Variants in GAS2 observed in about 807,000 individuals in gnomAD.
GAS2 encodes growth arrest specific 2.
In GAS2, 20 loss-of-function variants were observed where a neutral mutation model predicts 37.5. The observed-to-expected ratio is 0.53, with a 90% CI of 0.37 to 0.77. The LOEUF (loss-of-function observed/expected upper bound fraction) is 0.77. GAS2 is among the 30% of genes least tolerant of loss of function. The pLI is 0.00. For missense variants in GAS2, 336 were observed against 373.4 expected (o/e 0.90, Z 0.82); for synonymous variants, 144 against 132.2 (o/e 1.09, Z -0.61).
At chr11:22,654,834 A>G (rs1201166913) in intron 1 of GAS2, among the ~76,000 whole-genome samples, 1 of 152,206 alleles carries the variant, frequency 6.6e-6, no homozygotes, top group Admixed American at 6.5e-5. Flanking sequence ...CTGAAATTTT[A>G]TTATAAAACT....
chr11:22,721,981 T>C (rs1474249113), intron 3 of GAS2, among the ~76,000 whole-genome samples: 1 of 151,954 alleles, frequency 6.6e-6, no homozygotes, highest in Non-Finnish European at 1.5e-5. Context: ...ATACACATAG[T>C]CAATGGGGTG....
At chr11:22,705,838 T>A (rs1324145255) in intron 3 of GAS2, among the ~76,000 whole-genome samples, 3 of 152,176 alleles carry the variant, frequency 2.0e-5, no homozygotes, top group African/African-American at 7.2e-5. Context: ...AAAGTGTACA[T>A]ACATGACCTC....
chr11:22,770,480 C>T lies in GAS2; in HGVS notation c.723+14527C>T, dbSNP rs75893384. Among the ~76,000 whole-genome samples, 76 of 152,248 alleles carry T rather than the reference C, an allele frequency of 5.0e-4. 1 individual carries two copies. The East Asian group carries it at 0.013, about 25-fold the overall frequency. ...TAGAAAGTTTTACACTGAAATTAAA[C>T]GTTTCACTTACTTAACAATTTTCTC... On this transcript the variant is annotated intron_variant, in intron 7 of 7. Transcript: ENST00000454584.
intron 1 of GAS2, among the ~76,000 whole-genome samples, chr11:22,669,694 A>G (rs1019487489): frequency 1.3e-5 from 2 of 152,182 alleles, no homozygotes; most frequent in African/African-American, 4.8e-5. Context: ...GTTTGAATAT[A>G]TCGTTATTGT....
intron 4 of GAS2, chr11:22,731,289 C>A: frequency 2.4e-6 from 1 of 424,730 alleles, no homozygotes; most frequent in South Asian, 1.7e-5. Flanking sequence ...TTTTTGCTTG[C>A]TATAATTGTG....
intron 5 of GAS2, among the ~76,000 whole-genome samples, chr11:22,742,510 A>G (rs1853143330): frequency 6.6e-6 from 1 of 152,166 alleles, no homozygotes; most frequent in Non-Finnish European, 1.5e-5. Flanking sequence ...CTCCAGACAG[A>G]CAGGAAGCCA....
chr11:22,670,620 TA>T (rs1359498626), intron 1 of GAS2, among the ~76,000 whole-genome samples: 3 of 152,104 alleles, frequency 2.0e-5, no homozygotes, highest in Non-Finnish European at 2.9e-5. Flanking sequence ...ATTTTGCTAA[TA>T]AAAAACATAT....
At chr11:22,655,484 C>A (rs946411984) in intron 1 of GAS2, among the ~76,000 whole-genome samples, 1 of 152,168 alleles carries the variant, frequency 6.6e-6, no homozygotes, top group Non-Finnish European at 1.5e-5. Flanking sequence ...TTATCAGAAT[C>A]TCCATCTACT....
chr11:22,783,654 T>C (rs950858677), intron 7 of GAS2, among the ~76,000 whole-genome samples: 11 of 152,072 alleles, frequency 7.2e-5, no homozygotes, highest in African/African-American at 2.7e-4. Flanking sequence ...ACTTACTTAC[T>C]TTTTTTGAGT....
In GAS2 at chr11:22,631,511, G is replaced by T. The variant is rs116960349; in HGVS notation, c.-21+5698G>T. ...GGTATGTTTCCTCTGTGCTTAGTTTGTTGAGGTTTATGTCATAAAGGGATG... is the reference window on the plus strand; with the variant it reads ...GGTATGTTTCCTCTGTGCTTAGTTTTTTGAGGTTTATGTCATAAAGGGATG... On this transcript the variant is annotated intron_variant, in intron 1 of 5. Transcript: ENST00000528582. Among the ~76,000 whole-genome samples the T allele has an allele frequency of 2.5e-3, 377 of 152,132 alleles. 4 individuals are homozygous for T. The highest frequency in any genetic ancestry group is 5.2e-3 in the South Asian group (25 of 4,810).
chr11:22,677,092 A>T (rs893579637), intron 2 of GAS2, among the ~76,000 whole-genome samples: 15 of 152,352 alleles, frequency 9.8e-5, no homozygotes, highest in African/African-American at 2.6e-4. Context: ...AGATTAGCAA[A>T]AAAACACAGT....
At chr11:22,642,229 T>C (rs932934889) in intron 1 of GAS2, among the ~76,000 whole-genome samples, 1 of 152,086 alleles carries the variant, frequency 6.6e-6, no homozygotes, top group African/African-American at 2.4e-5. Context: ...ATGAGCAAAA[T>C]GATGGCTCTC....
At chr11:22,683,718 G>A (rs1010782899) in intron 2 of GAS2, among the ~76,000 whole-genome samples, 4 of 147,724 alleles carry the variant, frequency 2.7e-5, no homozygotes, top group African/African-American at 1.0e-4. Context: ...TAATATTAAT[G>A]TTTTCTCAAA....
intron 6 of GAS2, chr11:22,755,630 T>G: frequency 2.4e-6 from 1 of 419,210 alleles, no homozygotes; most frequent in East Asian, 4.0e-5. Context: ...ATTAGCTAAC[T>G]TATGCCTTAG....
intron 3 of GAS2, among the ~76,000 whole-genome samples, chr11:22,689,226 C>A (rs1850113876): frequency 6.6e-6 from 1 of 152,116 alleles, no homozygotes; most frequent in Admixed American, 6.6e-5. Context: ...CCAACCTCAA[C>A]AAGGTGCAAT....
chr11:22,764,968 T>G (rs545150507), intron 7 of GAS2, among the ~76,000 whole-genome samples: 1 of 152,324 alleles, frequency 6.6e-6, no homozygotes, highest in Admixed American at 6.5e-5. Flanking sequence ...ATAATTTTCT[T>G]TTGCCATTAT....
chr11:22,793,880 A>G (rs1856298942), intron 7 of GAS2, among the ~76,000 whole-genome samples: 1 of 152,172 alleles, frequency 6.6e-6, no homozygotes, highest in African/African-American at 2.4e-5. Context: ...AAGTACAATT[A>G]AAATGTTAGG....
intron 5 of GAS2, among the ~76,000 whole-genome samples, chr11:22,744,572 A>G (rs1217890330): frequency 6.6e-6 from 1 of 152,124 alleles, no homozygotes; most frequent in Non-Finnish European, 1.5e-5. Flanking sequence ...ATAGATATTG[A>G]AAAAACTTTG....
At chr11:22,770,519 C>T (rs1186524954) in intron 7 of GAS2, among the ~76,000 whole-genome samples, 3 of 152,130 alleles carry the variant, frequency 2.0e-5, no homozygotes, top group East Asian at 1.9e-4. Flanking sequence ...GACTTTATTA[C>T]ACATTCTCTG....
Sources: allele counts gnomAD v4.1 joint callset (sites outside exome capture counted in the v4.1 genomes callset), GRCh38; gene constraint gnomAD v4.1.1; transcripts MANE v1.5; gene names NCBI Gene and HGNC (gene_info 2026-07-23, HGNC 2026-07-21).